Variants in TADA3 observed in about 807,000 individuals in gnomAD.
TADA3 encodes the protein transcriptional adaptor 3.
TADA3 carries 25 observed loss-of-function variants against 43.2 expected under a neutral mutation model. That is an observed-to-expected ratio of 0.58 (90% confidence interval 0.42 to 0.81). TADA3 has a LOEUF of 0.81. Ranked by LOEUF, TADA3 falls within the 30% of genes least tolerant of loss-of-function variation. TADA3 has a pLI of 0.00. For synonymous variants in TADA3, 235 were observed against 225.5 expected (o/e 1.04, Z -0.38); for missense variants, 441 against 567.8 (o/e 0.78, Z 2.27).
In TADA3 at chr3:9,789,750, C is replaced by T. The variant is rs1396995089; in HGVS notation, c.421G>A (p.Asp141Asn). Residue 141 changes from aspartate (D) to asparagine (N), a missense_variant, in exon 3 of 9, where the codon GAC (aspartate) becomes AAC (asparagine). Transcript: ENST00000301964. ...TCATTTTTGGGGATCCGTGGCACGT[C>T]GATAGGGTCATCAGTGAATTCATAT... Reference protein sequence around the residue: ...QEYEFTDDPIDVPRIPKNDAP... With the variant: ...QEYEFTDDPINVPRIPKNDAP... 2 of 1,614,006 alleles carry T rather than the reference C, an allele frequency of 1.2e-6. No homozygotes were observed. Among genetic ancestry groups the T allele is most frequent in the African/African-American group, 1.3e-5 (1 of 74,914 alleles).
In TADA3 at chr3:9,791,401, G is replaced by A; in HGVS notation, c.66C>T (p.Val22=). ...CCAGCACTGCCGTGTAGCGGGGACA[G>A]ACCTTCAGGTGATCCACAGACTTGA... ...HDFKSVDHLK[V]CPRYTAVLAR... is the part of the protein sequence containing the mutation. Residue 22 remains valine, a synonymous_variant, in exon 2 of 9, where the codon GTC becomes GTT. Coordinates refer to ENST00000301964, the MANE Select transcript of TADA3 (RefSeq NM_006354.5). 1 of 1,614,194 alleles carries A rather than the reference G, an allele frequency of 6.2e-7. No homozygotes were observed. Among genetic ancestry groups the A allele is most frequent in the East Asian group, 2.2e-5 (1 of 44,890 alleles).
chr3:9,780,299 A>AG lies in TADA3; in HGVS notation c.*57dup. 1 of 1,530,400 alleles carries AG rather than the reference A, an allele frequency of 6.5e-7. No homozygotes were observed. Among genetic ancestry groups the AG allele is most frequent in the Non-Finnish European group, 8.8e-7 (1 of 1,131,436 alleles). The allele number at this position is 1,530,400 out of a possible 1,614,324, so 94.8% of individuals were successfully genotyped here. On this transcript the variant is annotated 3_prime_UTR_variant, in exon 9 of 9. Coordinates refer to ENST00000301964, the MANE Select transcript of TADA3 (RefSeq NM_006354.5). ...AATGTTTCCTGTGCCCAAAGAAGGA[A>AG]GTGGGCCTCCCTTCCCCTCCCCTAG... is the stretch of plus-strand genomic sequence containing the variant.
At chr3:9,789,467 C>A (rs1288329511) in intron 4 of TADA3, 42 bp downstream of exon 4, 1 of 1,579,564 alleles carries the variant, frequency 6.3e-7, no homozygotes, top group Admixed American at 1.7e-5. Flanking sequence ...CCTCTGAACT[C>A]TCTTGTTCCG....
At chr3:9,791,186 G>A (rs1468191128) in intron 2 of TADA3, 74 bp downstream of exon 2, 5 of 1,467,070 alleles carry the variant, frequency 3.4e-6, no homozygotes, top group East Asian at 2.3e-5. Context: ...TCAGCATATG[G>A]GGCTAACTCA....
chr3:9,780,274 A>T lies in TADA3; in HGVS notation c.*83T>A. 1 of 1,437,662 alleles carries T rather than the reference A, an allele frequency of 7.0e-7. No individual in the cohort carries two copies. The highest frequency in any genetic ancestry group is 9.4e-7 in the Non-Finnish European group (1 of 1,060,042). 89.1% of individuals were successfully genotyped at this position (1,437,662 alleles called of 1,614,324 possible). On this transcript the variant is annotated 3_prime_UTR_variant, in exon 9 of 9. Transcript: ENST00000301964. ...GCCATTTGAGGGACAGCCACAGGCC[A>T]ATGTTTCCTGTGCCCAAAGAAGGAA...
intron 8 of TADA3, among the ~76,000 whole-genome samples, chr3:9,782,870 C>A (rs911254633): frequency 3.3e-5 from 5 of 151,788 alleles, no homozygotes; most frequent in Admixed American, 1.3e-4. Context: ...CAGCACTTGT[C>A]TGTGAGAAGC....
chr3:9,792,673 G>A, upstream of TADA3: 4 of 1,233,090 alleles, frequency 3.2e-6, no homozygotes, highest in Non-Finnish European at 4.0e-6. Flanking sequence ...TCTCCGCGCT[G>A]CAGTTAGCCC....
intron 8 of TADA3, among the ~76,000 whole-genome samples, chr3:9,782,678 C>A (rs1413281846): frequency 4.0e-5 from 6 of 151,896 alleles, no homozygotes; most frequent in African/African-American, 1.2e-4. Context: ...GTAATCCCAA[C>A]TACTCAGGAG....
At chr3:9,784,918 T>C (rs963449932) in intron 7 of TADA3, among the ~76,000 whole-genome samples, 6 of 151,944 alleles carry the variant, frequency 3.9e-5, no homozygotes, top group Non-Finnish European at 7.4e-5. Flanking sequence ...AAAAATAGTA[T>C]TATACCATCC....
At chr3:9,790,796 T>C (rs190525901) in intron 2 of TADA3, among the ~76,000 whole-genome samples, 2 of 152,338 alleles carry the variant, frequency 1.3e-5, no homozygotes, top group East Asian at 1.9e-4. Context: ...CTCAGAGATA[T>C]GAGGCAACTT....
intron 7 of TADA3, 58 bp downstream of exon 7, chr3:9,785,258 G>A (rs112652079): frequency 2.9e-6 from 4 of 1,398,544 alleles, no homozygotes; most frequent in Non-Finnish European, 3.0e-6. Context: ...GGTTGAGATG[G>A]AGAGAAGCCA....
intron 8 of TADA3, chr3:9,781,379 A>T: frequency 2.5e-6 from 1 of 399,520 alleles, no homozygotes; most frequent in Admixed American, 2.6e-5. Flanking sequence ...ACCCTGCAAA[A>T]TATGTACTAT....
rs763516911 is a variant in TADA3, at chr3:9,785,328, T to C, written c.908A>G (p.Asn303Ser). 1 of 1,613,932 alleles carries C rather than the reference T, an allele frequency of 6.2e-7. No homozygotes were observed. The highest frequency in any genetic ancestry group is 2.2e-5 in the East Asian group (1 of 44,886). The change falls in exon 7 of 9, where the codon AAC (asparagine) becomes AGC (serine). Residue 303 changes from asparagine to serine, a missense_variant. Coordinates refer to ENST00000301964, the MANE Select transcript of TADA3 (RefSeq NM_006354.5). ...GGACACCACTCACCTGAAGGGCTTG[T>C]TCTGATTGCGAGGGGAGGTGCTTGC... ...DGASTSPRNQ[N>S]KPFSVPHTKS...
At chr3:9,782,865 C>T (rs1292511069) in intron 8 of TADA3, among the ~76,000 whole-genome samples, 2 of 151,690 alleles carry the variant, frequency 1.3e-5, no homozygotes, top group African/African-American at 4.8e-5. Context: ...AGACACAGCA[C>T]TTGTCTGTGA....
chr3:9,783,065 A>G (rs985418601), intron 8 of TADA3: 2 of 152,224 alleles, frequency 1.3e-5, no homozygotes, highest in African/African-American at 4.8e-5. Flanking sequence ...ACACTGGTCA[A>G]TTTCTTGTGA....
In TADA3 at chr3:9,780,246, G is replaced by A. The variant is rs2078427773; in HGVS notation, c.*111C>T. 1 of 1,194,806 alleles carries A rather than the reference G, an allele frequency of 8.4e-7. No homozygotes were observed. The highest frequency in any genetic ancestry group is 1.5e-5 in the South Asian group (1 of 66,750). 74.0% of individuals were successfully genotyped at this position (1,194,806 alleles called of 1,614,324 possible). A position where few individuals can be genotyped will look rare whatever the true frequency, so the allele number is the denominator to read the frequency against. On this transcript the variant is annotated 3_prime_UTR_variant, in exon 9 of 9. Coordinates refer to ENST00000301964, the MANE Select transcript of TADA3 (RefSeq NM_006354.5). ...GAAGGGCCACGGCCCTCTAGAGACT[G>A]CCGCCATTTGAGGGACAGCCACAGG... is the stretch of plus-strand genomic sequence containing the variant.
At chr3:9,781,186 C>G (rs183947032) in intron 8 of TADA3, among the ~76,000 whole-genome samples, 2 of 152,038 alleles carry the variant, frequency 1.3e-5, no homozygotes, top group Non-Finnish European at 1.5e-5. Flanking sequence ...TAGCTCATGC[C>G]TGTAATCCCA....
chr3:9,792,732 G>A (rs1200576274), upstream of TADA3: 4 of 1,237,306 alleles, frequency 3.2e-6, no homozygotes, highest in South Asian at 7.4e-5. Flanking sequence ...AAAGGATGGG[G>A]GTACAGAACC....
In TADA3 at chr3:9,784,253, T is replaced by G. The variant is rs775419646; in HGVS notation, c.921-40A>C. 76 of 1,582,050 alleles carry G rather than the reference T, an allele frequency of 4.8e-5. No homozygotes were observed. The Admixed American group carries it at 1.3e-3, about 26-fold the overall frequency. ...AGGCCCGTCAGACTCAAGAGCCAGCTTGGAGAAGGGCCCACCTTGGAGGTT... is the reference window on the plus strand; with the variant it reads ...AGGCCCGTCAGACTCAAGAGCCAGCGTGGAGAAGGGCCCACCTTGGAGGTT... On this transcript the variant is annotated intron_variant, in intron 7 of 8. Transcript: ENST00000301964.
Sources: gnomAD v4.1 joint callset for allele counts (sites outside exome capture counted in the v4.1 genomes callset) on GRCh38, gnomAD v4.1.1 for gene constraint, MANE v1.5 for transcripts, NCBI Gene and HGNC (gene_info 2026-07-23, HGNC 2026-07-21) for gene names.